The following NCAPG2 variants were observed in gnomAD, a reference collection of about 807,000 sequenced individuals.
NCAPG2 encodes the protein non-SMC condensin II complex subunit G2.
A neutral mutation model predicts 141.1 loss-of-function variants in NCAPG2; 53 were observed. That is an observed-to-expected ratio of 0.38 (90% CI 0.30 to 0.47). The LOEUF (loss-of-function observed/expected upper bound fraction) is 0.47, where lower values mean the gene tolerates loss of function less well. Ranked by LOEUF, NCAPG2 falls within the 20% of genes least tolerant of loss-of-function variation. The pLI is 0.99. For synonymous variants in NCAPG2, 499 were observed against 490.7 expected, an observed-to-expected ratio of 1.02 and a Z score of -0.22; for missense variants, 1,087 against 1,389.0, an observed-to-expected ratio of 0.78 and a Z score of 3.46.
intron 24 of NCAPG2, 90 bp from the exon 25 acceptor site, chr7:158,646,653 GA>G: frequency 1.3e-6 from 1 of 771,846 alleles, no homozygotes; most frequent in East Asian, 3.1e-5. Context: ...CAACACCTAA[GA>G]AAAACTTTCT....
chr7:158,687,551 C>T (rs1834848125), intron 6 of NCAPG2, 109 bp from the exon 7 acceptor site: 7 of 761,666 alleles, frequency 9.2e-6, no homozygotes, highest in East Asian at 5.5e-5. Flanking sequence ...TTGCTAAAAA[C>T]GAGGCACATG....
intron 25 of NCAPG2, among the ~76,000 whole-genome samples, chr7:158,646,078 T>C (rs1370987444): frequency 6.6e-6 from 1 of 152,098 alleles, no homozygotes; most frequent in Non-Finnish European, 1.5e-5. Context: ...GACTGGAAAA[T>C]GAGTAGCAGC....
At chr7:158,697,423 G>A (rs755461460) in intron 2 of NCAPG2, among the ~76,000 whole-genome samples, 10 of 152,300 alleles carry the variant, frequency 6.6e-5, no homozygotes, top group South Asian at 2.1e-4. Context: ...CCAACATGGC[G>A]AAACCCTGTC....
intron 13 of NCAPG2, chr7:158,667,193 C>G: frequency 1.0e-6 from 1 of 985,474 alleles, no homozygotes; most frequent in Non-Finnish European, 1.2e-6. Flanking sequence ...AAGATAAGGA[C>G]TGAAACGCAA....
intron 13 of NCAPG2, chr7:158,668,599 T>A: frequency 4.5e-6 from 1 of 223,618 alleles, no homozygotes; most frequent in Non-Finnish European, 7.5e-6. Context: ...TAGCAATAAT[T>A]GTTGAAGCTG....
intron 11 of NCAPG2, among the ~76,000 whole-genome samples, chr7:158,677,128 T>C (rs1206255598): frequency 6.6e-6 from 1 of 151,926 alleles, no homozygotes; most frequent in Non-Finnish European, 1.5e-5. Context: ...CAGGATAAAG[T>C]CTTACAAATG....
At chr7:158,660,842 TA>T (rs1219610495) in intron 16 of NCAPG2, among the ~76,000 whole-genome samples, 1 of 152,100 alleles carries the variant, frequency 6.6e-6, no homozygotes, top group Non-Finnish European at 1.5e-5. Context: ...AACTGAATCC[TA>T]GGGGTGGTTT....
At chr7:158,641,531 G>A (rs1483199175) in intron 27 of NCAPG2, 1 of 665,308 alleles carries the variant, frequency 1.5e-6, no homozygotes, top group Admixed American at 2.3e-5. Context: ...AGCCCAGCCT[G>A]GGCAACACAG....
intron 11 of NCAPG2, among the ~76,000 whole-genome samples, chr7:158,677,795 A>G (rs1460827555): frequency 6.6e-6 from 1 of 152,136 alleles, no homozygotes; most frequent in Non-Finnish European, 1.5e-5. Context: ...GCATCCCTTC[A>G]TTTAAAAACA....
At position 158,697,375 on chromosome 7, in the gene NCAPG2, G is replaced by C. The variant is rs554216469; in HGVS notation, c.79-3878C>G. Among the ~76,000 whole-genome samples, 16 of 152,378 alleles carry C rather than the reference G, an allele frequency of 1.1e-4. No individual in the cohort carries two copies. In the South Asian group the frequency reaches 3.3e-3, roughly 32 times the overall value. On this transcript the variant is annotated intron_variant, in intron 2 of 27. Transcript: ENST00000356309. ...CCAGCACTTTGGGAGGCCAAGGCAG[G>C]TGGATCACCTGAGATCAGGAGTTTG...
At chr7:158,637,739 G>A (rs890378015) in intron 27 of NCAPG2, among the ~76,000 whole-genome samples, 15 of 152,302 alleles carry the variant, frequency 9.8e-5, no homozygotes, top group East Asian at 1.9e-4. Context: ...CTTCCTTGGC[G>A]GCGCTCACCT....
At chr7:158,641,439 G>A (rs950202705) in intron 27 of NCAPG2, 2 of 585,494 alleles carry the variant, frequency 3.4e-6, no homozygotes, top group Non-Finnish European at 3.0e-6. Flanking sequence ...ACATTAGCTG[G>A]GTCTGGTGGT....
chr7:158,658,853 T>C (rs980583052), intron 16 of NCAPG2, among the ~76,000 whole-genome samples: 4 of 151,908 alleles, frequency 2.6e-5, no homozygotes, highest in Non-Finnish European at 5.9e-5. Flanking sequence ...TAAAACAAAA[T>C]CAGAATATCT....
intron 27 of NCAPG2, 127 bp from the exon 28 acceptor site, chr7:158,631,844 C>A: frequency 1.3e-6 from 1 of 741,968 alleles, no homozygotes; most frequent in South Asian, 1.7e-5. Flanking sequence ...TTGAAATAAT[C>A]TATAGATGTT....
chr7:158,644,779 AG>A (rs1830886655), intron 26 of NCAPG2, among the ~76,000 whole-genome samples: 1 of 152,164 alleles, frequency 6.6e-6, no homozygotes, highest in Non-Finnish European at 1.5e-5. Context: ...ATCTCAATGC[AG>A]GGGAGTCCCT....
intron 8 of NCAPG2, among the ~76,000 whole-genome samples, chr7:158,684,844 C>T (rs10250259): frequency 0.028 from 4,219 of 152,320 alleles, 188 homozygotes; most frequent in African/African-American, 0.095. Context: ...TGAGCTACCA[C>T]GCCCAGCCTA....
chr7:158,703,619 A>C (rs1234162475), intron 1 of NCAPG2: 1 of 152,242 alleles, frequency 6.6e-6, no homozygotes, highest in Non-Finnish European at 1.5e-5. Context: ...TGCAGCCAGA[A>C]TGCTACTTTC....
At chr7:158,691,988 A>G (rs116989903) in intron 4 of NCAPG2, among the ~76,000 whole-genome samples, 16 of 152,342 alleles carry the variant, frequency 1.1e-4, no homozygotes, top group Non-Finnish European at 2.1e-4. Flanking sequence ...CTCACCATCT[A>G]TAACATCTGA....
chr7:158,654,718 G>C, intron 21 of NCAPG2, 24 bp from the exon 22 acceptor site: 1 of 1,599,592 alleles, frequency 6.3e-7, no homozygotes, highest in Non-Finnish European at 8.5e-7. Context: ...ACACAGCTTA[G>C]CAACAAAGGC....
Sources: allele counts gnomAD v4.1 joint callset (sites outside exome capture counted in the v4.1 genomes callset), GRCh38; gene constraint gnomAD v4.1.1; transcripts MANE v1.5; gene names NCBI Gene and HGNC (gene_info 2026-07-23, HGNC 2026-07-21).